The following TMC1 variants were observed in gnomAD, a reference collection of about 807,000 sequenced individuals.
TMC1 encodes the protein transmembrane channel-like protein 1.
TMC1 carries 84 observed loss-of-function variants against 105.8 expected under a neutral mutation model. The ratio of observed to expected loss-of-function variants is 0.79; its 90% confidence interval spans 0.67 to 0.95. The LOEUF (loss-of-function observed/expected upper bound fraction) is 0.95, where lower values mean the gene tolerates loss of function less well. Ranked by LOEUF, TMC1 falls within the 40% of genes least tolerant of loss-of-function variation. The pLI is 0.00. For missense variants in TMC1, 817 were observed against 914.1 expected (o/e 0.89, Z 1.37); for synonymous variants, 315 against 311.5 (o/e 1.01, Z -0.12).
chr9:72,809,403 A>C (rs1362454572), intron 18 of TMC1, among the ~76,000 whole-genome samples: 2 of 152,218 alleles, frequency 1.3e-5, no homozygotes, highest in Non-Finnish European at 1.5e-5. Context: ...AGGCTCAAAA[A>C]AGCTCTGTCA....
At chr9:72,697,826 C>T (rs1826576042) in intron 7 of TMC1, among the ~76,000 whole-genome samples, 1 of 152,018 alleles carries the variant, frequency 6.6e-6, no homozygotes, top group South Asian at 2.1e-4. Flanking sequence ...AATTATTAAT[C>T]ATAAAGATTT....
At position 72,835,935 on chromosome 9, in the gene TMC1, T is replaced by TC. The variant is rs1491107758; in HGVS notation, c.2261-15dup. ...TCCTTGTTTTTTTTTTTTTTTTTTTTCTGTTTTGTGAACAGCTGCAGCTGC... is the reference window on the plus strand; with the variant it reads ...TCCTTGTTTTTTTTTTTTTTTTTTTTCCTGTTTTGTGAACAGCTGCAGCTGC... On this transcript the variant is annotated splice_polypyrimidine_tract_variant and intron_variant, in intron 23 of 23. Coordinates refer to ENST00000297784, the MANE Select transcript of TMC1 (RefSeq NM_138691.3). 1.1e-5 allele frequency: 17 copies of TC among 1,546,150 alleles called. No homozygotes were observed. The highest frequency in any genetic ancestry group is 1.4e-5 in the African/African-American group (1 of 69,362).
At chr9:72,665,838 C>A (rs1194963959) in intron 5 of TMC1, among the ~76,000 whole-genome samples, 1 of 152,218 alleles carries the variant, frequency 6.6e-6, no homozygotes, top group Non-Finnish European at 1.5e-5. Context: ...TATGCACTAC[C>A]AACACCAGCT....
intron 1 of TMC1, among the ~76,000 whole-genome samples, chr9:72,567,045 A>AT (rs1824170239): frequency 6.6e-6 from 1 of 151,720 alleles, no homozygotes; most frequent in Non-Finnish European, 1.5e-5. Flanking sequence ...TTCCTTTATA[A>AT]TTTTTCTGCT....
intron 2 of TMC1, among the ~76,000 whole-genome samples, chr9:72,591,226 C>G (rs1265783906): frequency 6.6e-6 from 1 of 152,054 alleles, no homozygotes; most frequent in African/African-American, 2.4e-5. Flanking sequence ...CTACTTAAGA[C>G]CAGACTTGCA....
At chr9:72,805,320 AC>A in intron 17 of TMC1, 61 bp from the exon 18 acceptor site, 2 of 1,590,186 alleles carry the variant, frequency 1.3e-6, no homozygotes, top group Admixed American at 3.3e-5. Flanking sequence ...CAGATTTAAT[AC>A]CAACACTAGG....
rs12340497 is a variant in TMC1 at position 72,601,988 on chromosome 9, A to G, written c.-305-14380A>G. 3.8e-3 allele frequency among the ~76,000 whole-genome samples: 572 copies of G among 152,336 alleles called. 4 individuals carry two copies. The highest frequency in any genetic ancestry group is 0.013 in the African/African-American group (549 of 41,568). On this transcript the variant is annotated intron_variant, in intron 2 of 23. Transcript: ENST00000297784. ...CACAAAATTCATTTATTTTTCATAT[A>G]CACCTTGTATACATAGCCTGAAGGT...
intron 12 of TMC1, among the ~76,000 whole-genome samples, chr9:72,765,297 A>T (rs1489482272): frequency 6.6e-6 from 1 of 151,996 alleles, no homozygotes; most frequent in Non-Finnish European, 1.5e-5. Context: ...GAGTATAGGG[A>T]CAGAGAAAAG....
chr9:72,805,855 T>C (rs1828566601), intron 18 of TMC1, among the ~76,000 whole-genome samples: 1 of 152,152 alleles, frequency 6.6e-6, no homozygotes, highest in Non-Finnish European at 1.5e-5. Flanking sequence ...GAGCACAGGG[T>C]TGGGGGCAAG....
chr9:72,570,756 T>C (rs7048132), intron 1 of TMC1, among the ~76,000 whole-genome samples: 60,635 of 138,314 alleles, frequency 0.44, 13,554 homozygotes, highest in African/African-American at 0.55. Context: ...TGGTGCGATC[T>C]CGGCTTACTG....
chr9:72,576,130 A>C (rs1232445503), intron 1 of TMC1, among the ~76,000 whole-genome samples: 4 of 152,224 alleles, frequency 2.6e-5, no homozygotes, highest in Admixed American at 2.0e-4. Context: ...TTAAGATGTC[A>C]AACTAAGCTG....
At chr9:72,623,830 G>T (rs1825298299) in intron 3 of TMC1, among the ~76,000 whole-genome samples, 1 of 152,110 alleles carries the variant, frequency 6.6e-6, no homozygotes, top group African/African-American at 2.4e-5. Flanking sequence ...TAAGACCAGT[G>T]ACTCCCATGA....
chr9:72,568,387 AATTCT>A (rs1254349491), intron 1 of TMC1, among the ~76,000 whole-genome samples: 1 of 152,194 alleles, frequency 6.6e-6, no homozygotes, highest in Non-Finnish European at 1.5e-5. Context: ...ACGAGATTAG[AATTCT>A]ATTCTAGTTA....
chr9:72,712,719 A>T (rs2117914562), intron 8 of TMC1, among the ~76,000 whole-genome samples: 1 of 152,334 alleles, frequency 6.6e-6, no homozygotes, highest in South Asian at 2.1e-4. Flanking sequence ...GCAAACAGAG[A>T]CAATGTGACT....
At chr9:72,693,575 A>G (rs1826503303) in intron 6 of TMC1, among the ~76,000 whole-genome samples, 1 of 152,172 alleles carries the variant, frequency 6.6e-6, no homozygotes, top group African/African-American at 2.4e-5. Context: ...TATGCTGCAG[A>G]TAATTCATAG....
At chr9:72,805,359 TA>T (rs1167413148) in intron 17 of TMC1, 22 bp from the exon 18 acceptor site, 2 of 1,612,422 alleles carry the variant, frequency 1.2e-6, no homozygotes, top group African/African-American at 2.7e-5. Context: ...CTGTGTGTTT[TA>T]ATAGAGATAA....
chr9:72,631,855 A>G (rs1453394990), intron 4 of TMC1, among the ~76,000 whole-genome samples: 1 of 152,234 alleles, frequency 6.6e-6, no homozygotes, highest in Non-Finnish European at 1.5e-5. Flanking sequence ...TTGTTATGAA[A>G]CAGGAGCACA....
intron 2 of TMC1, among the ~76,000 whole-genome samples, chr9:72,603,450 G>A (rs1202786195): frequency 6.6e-6 from 1 of 150,746 alleles, no homozygotes; most frequent in East Asian, 1.9e-4. Context: ...CATACACAGA[G>A]CATTTTTCAT....
At chr9:72,796,438 C>A (rs1828370180) in intron 17 of TMC1, among the ~76,000 whole-genome samples, 1 of 152,098 alleles carries the variant, frequency 6.6e-6, no homozygotes, top group African/African-American at 2.4e-5. Context: ...ATCTTCAGGC[C>A]AATATCATGA....
Sources: allele counts gnomAD v4.1 joint callset (sites outside exome capture counted in the v4.1 genomes callset), GRCh38; gene constraint gnomAD v4.1.1; transcripts MANE v1.5; gene names NCBI Gene and HGNC (gene_info 2026-07-23, HGNC 2026-07-21).